Variants in TTLL9 observed in about 807,000 individuals in gnomAD.
TTLL9 encodes the protein tubulin tyrosine ligase like 9.
Under a neutral mutation model 65.6 loss-of-function variants are expected in TTLL9, and 47 were observed. The observed-to-expected ratio is 0.72, with a 90% CI of 0.57 to 0.91. The LOEUF (loss-of-function observed/expected upper bound fraction) is 0.91. Ranked by LOEUF, TTLL9 falls within the 40% of genes least tolerant of loss-of-function variation. The pLI, the probability that TTLL9 is intolerant of heterozygous loss-of-function variation, is 0.00. For missense variants in TTLL9, 537 were observed against 568.8 expected, an observed-to-expected ratio of 0.94 and a Z score of 0.57; for synonymous variants, 179 against 204.8, an observed-to-expected ratio of 0.87 and a Z score of 1.07.
At chr20:31,889,966 A>ATC (rs200063582) in intron 3 of TTLL9, among the ~76,000 whole-genome samples, 1 of 140,322 alleles carries the variant, frequency 7.1e-6, no homozygotes, top group African/African-American at 2.7e-5. Flanking sequence ...ATCAAGCCAC[A>ATC]TCTCTCTCTT....
chr20:31,940,404 A>G (rs2064184776), intron 14 of TTLL9: 1 of 152,210 alleles, frequency 6.6e-6, no homozygotes, highest in Admixed American at 6.5e-5. Flanking sequence ...AGATGACTAT[A>G]TAACACTGTC....
At chr20:31,926,974 A>T (rs2063916049) in intron 10 of TTLL9, among the ~76,000 whole-genome samples, 1 of 151,814 alleles carries the variant, frequency 6.6e-6, no homozygotes, top group African/African-American at 2.4e-5. Context: ...AATTAGCCAG[A>T]TGTGGTGTCA....
At chr20:31,935,868 G>T (rs114610840) in intron 12 of TTLL9, among the ~76,000 whole-genome samples, 228 of 152,326 alleles carry the variant, frequency 1.5e-3, no homozygotes, top group African/African-American at 5.3e-3. Context: ...CTGGACAAGA[G>T]GGGTCCAGCC....
rs531019951 is a variant in TTLL9, at chr20:31,924,686, C to T, written c.665-323C>T. 9.0e-4 allele frequency among the ~76,000 whole-genome samples: 137 copies of T among 152,242 alleles called. No individual in the cohort carries two copies. In the Middle Eastern group the frequency reaches 0.01, roughly 11 times the overall value. Reference sequence around the variant, plus strand: ...GCAGCCTCCATCTCCTGGGCTCAAGCGATCCTCCTGCCTCAATCTCCAGAG... The same window carrying T: ...GCAGCCTCCATCTCCTGGGCTCAAGTGATCCTCCTGCCTCAATCTCCAGAG... On this transcript the variant is annotated intron_variant, in intron 8 of 14. Coordinates refer to ENST00000535842, the MANE Select transcript of TTLL9 (RefSeq NM_001008409.5).
chr20:31,878,465 A>G (rs1057092488), intron 2 of TTLL9, among the ~76,000 whole-genome samples: 1 of 152,248 alleles, frequency 6.6e-6, no homozygotes, highest in Non-Finnish European at 1.5e-5. Context: ...CATTTGGCCA[A>G]TTCCAGTACT....
At chr20:31,922,543 C>G (rs890344990) in intron 7 of TTLL9, among the ~76,000 whole-genome samples, 1 of 152,222 alleles carries the variant, frequency 6.6e-6, no homozygotes, top group African/African-American at 2.4e-5. Context: ...TGGAATCAGA[C>G]AATATTTGTC....
intron 13 of TTLL9, chr20:31,938,393 G>A (rs1276879019): frequency 5.6e-6 from 2 of 356,210 alleles, no homozygotes; most frequent in Non-Finnish European, 5.6e-6. Flanking sequence ...AGGTGAAATG[G>A]ATGCTGAGCA....
Position 31,912,379 on chromosome 20 carries a change from T to C in TTLL9, c.504+2457T>C, listed in dbSNP as rs550063727. 2.0e-5 allele frequency among the ~76,000 whole-genome samples: 3 copies of C among 152,216 alleles called. No homozygotes were observed. In the East Asian group the frequency reaches 5.8e-4, roughly 29 times the overall value. ...AGGACATGCCAGTGCTGCTGGTCTGTGCATACACTTTGAGTATCGAGATTG... is the reference window on the plus strand; with the variant it reads ...AGGACATGCCAGTGCTGCTGGTCTGCGCATACACTTTGAGTATCGAGATTG... On this transcript the variant is annotated intron_variant, in intron 6 of 14. Coordinates refer to ENST00000535842, the MANE Select transcript of TTLL9 (RefSeq NM_001008409.5).
chr20:31,917,387 A>G (rs1190855366), intron 6 of TTLL9, among the ~76,000 whole-genome samples: 2 of 152,208 alleles, frequency 1.3e-5, no homozygotes, highest in African/African-American at 2.4e-5. Flanking sequence ...GTAATTGTAC[A>G]TTATTAACTG....
In TTLL9 at chr20:31,894,098, C is replaced by CTTT. The variant is rs1162101774; in HGVS notation, c.114-4354_114-4352dup. Among the ~76,000 whole-genome samples, 608 of 92,052 alleles carry CTTT rather than the reference C, an allele frequency of 6.6e-3. 8 individuals are homozygous for CTTT. Among genetic ancestry groups the CTTT allele is most frequent in the African/African-American group, 9.8e-3 (235 of 23,956 alleles). The allele number at this position is 92,052 out of a possible 152,430, so 60.4% of individuals were successfully genotyped here. ...TCCCTTCTAGAATTTCCATTTGGTT[C>CTTT]TTTTTTTTTTTTTTTTTTTTTTTGA... On this transcript the variant is annotated intron_variant, in intron 3 of 14. Transcript: ENST00000535842.
intron 2 of TTLL9, 61 bp downstream of exon 2, chr20:31,871,256 G>A: frequency 2.6e-6 from 4 of 1,561,054 alleles, no homozygotes; most frequent in Non-Finnish European, 3.5e-6. Flanking sequence ...ACATCAGGAT[G>A]TATTAATAGC....
Position 31,913,669 on chromosome 20 carries a change from G to A in TTLL9, c.504+3747G>A, listed in dbSNP as rs937160558. On this transcript the variant is annotated intron_variant, in intron 6 of 14. Coordinates refer to ENST00000535842, the MANE Select transcript of TTLL9 (RefSeq NM_001008409.5). ...AGAAGGGAGCAGGCAGCATCATTCC[G>A]TCTACACCACCCTGTGGGGACCCTC... Among the ~76,000 whole-genome samples the A allele has an allele frequency of 5.9e-5, 9 of 152,024 alleles. No homozygotes were observed. In the South Asian group the frequency reaches 6.2e-4, roughly 11 times the overall value.
At chr20:31,887,855 C>CCTCTCCTCTTCTCTTCTCTT (rs1555807859) in intron 3 of TTLL9, among the ~76,000 whole-genome samples, 28 of 114,896 alleles carry the variant, frequency 2.4e-4, no homozygotes, top group South Asian at 3.5e-4. Context: ...TATCTCCTCT[C>CCTCTCCTCTTCTCTTCTCTT]CTCTTCTCTT....
chr20:31,943,379 G>A lies in TTLL9; in HGVS notation c.*358G>A. The A allele has an allele frequency of 1.4e-5, 5 of 348,108 alleles. No homozygotes were observed. Among genetic ancestry groups the A allele is most frequent in the South Asian group, 1.4e-4 (5 of 36,724 alleles). 21.6% of individuals were successfully genotyped at this position (348,108 alleles called of 1,614,324 possible). On this transcript the variant is annotated 3_prime_UTR_variant, in exon 15 of 15. Coordinates refer to ENST00000535842, the MANE Select transcript of TTLL9 (RefSeq NM_001008409.5). Reference sequence around the variant, plus strand: ...CCCTACTTGGAGTCACTGGGCACCAGGCCTGGTTCCGGGGATACTGTTGGC... The same window carrying A: ...CCCTACTTGGAGTCACTGGGCACCAAGCCTGGTTCCGGGGATACTGTTGGC...
At chr20:31,898,655 C>G in intron 4 of TTLL9, 90 bp downstream of exon 4, 1 of 1,146,622 alleles carries the variant, frequency 8.7e-7, no homozygotes, top group East Asian at 2.4e-5. Flanking sequence ...CCCTGGGTGG[C>G]CACTGGGACT....
At position 31,889,972 on chromosome 20, in the gene TTLL9, C is replaced by CTTTCTT. The variant is rs1555809588; in HGVS notation, c.113+2734_113+2735insTTCTTT. 7.0e-3 allele frequency among the ~76,000 whole-genome samples: 802 copies of CTTTCTT among 113,964 alleles called. 10 individuals are homozygous for CTTTCTT. The highest frequency in any genetic ancestry group is 0.013 in the Middle Eastern group (3 of 232). 74.8% of individuals were successfully genotyped at this position (113,964 alleles called of 152,430 possible). ...GAGGGAAGAATCAAGCCACATCTCT[C>CTTTCTT]TCTTTCTTTCTTTCTTTCTTTCTTT... On this transcript the variant is annotated intron_variant, in intron 3 of 14. Transcript: ENST00000535842.
At position 31,898,457 on chromosome 20, in the gene TTLL9, T is replaced by C. The variant is rs773543157; in HGVS notation, c.114-16T>C. ...ATCATTGATCCTGAGCAAATGTTCA[T>C]TGCCTTGTCTTGCAGAGAGCAGAGA... On this transcript the variant is annotated splice_polypyrimidine_tract_variant and intron_variant, in intron 3 of 14. Transcript: ENST00000535842. 1 of 1,612,482 alleles carries C rather than the reference T, an allele frequency of 6.2e-7. No homozygotes were observed. Among genetic ancestry groups the C allele is most frequent in the South Asian group, 1.1e-5 (1 of 91,014 alleles).
chr20:31,885,596 G>A (rs1180518337), intron 2 of TTLL9, among the ~76,000 whole-genome samples: 1 of 152,170 alleles, frequency 6.6e-6, no homozygotes, highest in Non-Finnish European at 1.5e-5. Context: ...AATGAAACAA[G>A]ATTTCACTGT....
At chr20:31,871,371 C>G (rs904230983) in intron 2 of TTLL9, among the ~76,000 whole-genome samples, 176 bp downstream of exon 2, 2 of 152,222 alleles carry the variant, frequency 1.3e-5, no homozygotes, top group Non-Finnish European at 2.9e-5. Context: ...CCCCAGCTAA[C>G]CCTATCTGTG....
Sources: allele counts gnomAD v4.1 joint callset (sites outside exome capture counted in the v4.1 genomes callset), GRCh38; gene constraint gnomAD v4.1.1; transcripts MANE v1.5; gene names NCBI Gene and HGNC (gene_info 2026-07-23, HGNC 2026-07-21).